Variants in FAM98A observed in about 807,000 individuals in gnomAD.
FAM98A encodes the protein tRNA splicing ligase complex subunit 3A.
In FAM98A, 25 loss-of-function variants were observed where a neutral mutation model predicts 62.9. The observed-to-expected ratio is 0.40, with a 90% CI of 0.29 to 0.56. FAM98A has a LOEUF of 0.56. Ranked by LOEUF, FAM98A falls within the 20% of genes least tolerant of loss-of-function variation. FAM98A has a pLI of 0.51. For synonymous variants in FAM98A, 252 were observed against 228.6 expected, an observed-to-expected ratio of 1.10 and a Z score of -0.92; for missense variants, 653 against 640.7, an observed-to-expected ratio of 1.02 and a Z score of -0.21.
chr2:33,585,397 G>C lies in FAM98A; in HGVS notation c.936C>G (p.Ile312Met). 2 of 1,614,090 alleles carry C rather than the reference G, an allele frequency of 1.2e-6. No individual in the cohort carries two copies. The highest frequency in any genetic ancestry group is 8.5e-7 in the Non-Finnish European group (1 of 1,180,018). Residue 312 changes from isoleucine to methionine, a missense_variant, in exon 8 of 8, where the codon ATC (isoleucine) becomes ATG (methionine). By Grantham distance (10) the Ile-to-Met change is conservative. Coordinates refer to ENST00000238823, the MANE Select transcript of FAM98A (RefSeq NM_015475.5). ...VPDRGGRPNEIEPPPPEMPPW... is the reference protein window; with the variant it reads ...VPDRGGRPNEMEPPPPEMPPW... The stretch of plus-strand genomic sequence containing the variant: ...GTGGCATCTCTGGGGGTGGAGGTTC[G>C]ATTTCATTGGGTCTACCACCTCTGT...
At position 33,584,693 on chromosome 2, in the gene FAM98A, A is replaced by T; in HGVS notation, c.*83T>A. The T allele has an allele frequency of 8.1e-7, 1 of 1,233,862 alleles. No homozygotes were observed. The highest frequency in any genetic ancestry group is 1.1e-6 in the Non-Finnish European group (1 of 875,628). 76.4% of individuals were successfully genotyped at this position (1,233,862 alleles called of 1,614,324 possible). A position where few individuals can be genotyped will look rare whatever the true frequency, so the allele number is the denominator to read the frequency against. On this transcript the variant is annotated 3_prime_UTR_variant, in exon 8 of 8. Transcript: ENST00000238823. Reference sequence around the variant, plus strand: ...TGCCTGCCACCTGTGGTCTCACATTAATTCAAAATAGGTGCTGAATTCAGG... The same window carrying T: ...TGCCTGCCACCTGTGGTCTCACATTTATTCAAAATAGGTGCTGAATTCAGG...
intron 2 of FAM98A, among the ~76,000 whole-genome samples, chr2:33,592,797 C>T (rs573600709): frequency 6.6e-6 from 1 of 152,240 alleles, no homozygotes; most frequent in South Asian, 2.1e-4. Flanking sequence ...TTCATAGCTG[C>T]TTAGGTTTGT....
chr2:33,590,311 T>C (rs970618487), intron 3 of FAM98A, among the ~76,000 whole-genome samples: 1 of 152,150 alleles, frequency 6.6e-6, no homozygotes, highest in African/African-American at 2.4e-5. Context: ...AAGGCTATTC[T>C]ATTTTTCCAA....
At position 33,596,146 on chromosome 2, in the gene FAM98A, C is replaced by A. The variant is rs1677806380; in HGVS notation, c.54-509G>T. On this transcript the variant is annotated intron_variant, in intron 1 of 7. Coordinates refer to ENST00000238823, the MANE Select transcript of FAM98A (RefSeq NM_015475.5). ...GCAGTGAAGGCACAAGCCACCAAAC[C>A]TGGCTTTTTTTTTATTTTTTATAAA... Among the ~76,000 whole-genome samples the A allele has an allele frequency of 5.9e-5, 9 of 152,154 alleles. 1 individual carries two copies. In the South Asian group the frequency reaches 1.9e-3, roughly 31 times the overall value.
chr2:33,593,358 C>G (rs540329416), intron 2 of FAM98A, among the ~76,000 whole-genome samples: 3 of 152,256 alleles, frequency 2.0e-5, no homozygotes, highest in Non-Finnish European at 2.9e-5. Flanking sequence ...GAGCCCAGAT[C>G]GCGCCACTGC....
Position 33,585,010 on chromosome 2 carries a change from G to C in FAM98A, c.1323C>G (p.Gly441=). 1 of 1,613,948 alleles carries C rather than the reference G, an allele frequency of 6.2e-7. No individual in the cohort carries two copies. The highest frequency in any genetic ancestry group is 1.3e-5 in the African/African-American group (1 of 74,964). Residue 441 remains glycine, a synonymous_variant, in exon 8 of 8, where the codon GGC becomes GGG. Coordinates refer to ENST00000238823, the MANE Select transcript of FAM98A (RefSeq NM_015475.5). Reference sequence around the variant, plus strand: ...CTTGGTATCTATTGTCCTGCTGGTAGCCACCACCCTGGTATCCACTTCCTG... The same window carrying C: ...CTTGGTATCTATTGTCCTGCTGGTACCCACCACCCTGGTATCCACTTCCTG... The part of the protein sequence containing the change: ...SYTGSGYQGG[G]YQQDNRYQDG...
At chr2:33,594,111 G>T (rs1211324217) in intron 2 of FAM98A, among the ~76,000 whole-genome samples, 2 of 152,154 alleles carry the variant, frequency 1.3e-5, no homozygotes, top group Non-Finnish European at 2.9e-5. Context: ...AATAAAACCT[G>T]CCTCATAGGG....
chr2:33,584,600 G>A lies in FAM98A; in HGVS notation c.*176C>T, dbSNP rs1474466819. On this transcript the variant is annotated 3_prime_UTR_variant, in exon 8 of 8. Transcript: ENST00000238823. ...GTGTTTCTCAAATAAACGGCATTAT[G>A]TAAGTCCAATAAAAAAATCTAACAG... is the stretch of plus-strand genomic sequence containing the variant. The A allele has an allele frequency of 1.5e-5, 9 of 609,600 alleles. No individual in the cohort carries two copies. The highest frequency in any genetic ancestry group is 2.6e-5 in the Non-Finnish European group (9 of 349,166). 37.8% of individuals were successfully genotyped at this position (609,600 alleles called of 1,614,324 possible). A position where few individuals can be genotyped will look rare whatever the true frequency, so the allele number is the denominator to read the frequency against.
At chr2:33,596,567 T>A (rs1318025823) in intron 1 of FAM98A, among the ~76,000 whole-genome samples, 1 of 152,194 alleles carries the variant, frequency 6.6e-6, no homozygotes, top group Non-Finnish European at 1.5e-5. Context: ...TAATGCTTAC[T>A]TAAGATGATA....
At chr2:33,588,128 A>G in intron 4 of FAM98A, 1 of 578,228 alleles carries the variant, frequency 1.7e-6, no homozygotes, top group South Asian at 1.8e-5. Context: ...AAAAAGAAAC[A>G]TGCTAACATG....
chr2:33,598,898 C>T (rs766816020), intron 1 of FAM98A, among the ~76,000 whole-genome samples: 7 of 152,018 alleles, frequency 4.6e-5, no homozygotes, highest in Non-Finnish European at 1.0e-4. Flanking sequence ...AAATCAGAGC[C>T]CAGACAATGA....
intron 6 of FAM98A, among the ~76,000 whole-genome samples, chr2:33,586,299 A>C (rs1037858794): frequency 1.3e-5 from 2 of 152,214 alleles, no homozygotes; most frequent in African/African-American, 4.8e-5. Context: ...TTTCAGAATA[A>C]CTCCATTTCT....
chr2:33,588,480 C>G lies in FAM98A; in HGVS notation c.377G>C (p.Cys126Ser). Reference protein sequence around the residue: ...ISELEAARMLCVNAPPKKAQE... With the variant: ...ISELEAARMLSVNAPPKKAQE... ...AGCTTTTTTTGGAGGAGCATTCACACAGAGCATTCTGGCAGCTTCTAGTTC... is the reference window on the plus strand; with the variant it reads ...AGCTTTTTTTGGAGGAGCATTCACAGAGAGCATTCTGGCAGCTTCTAGTTC... The change falls in exon 4 of 8, where the codon TGT becomes TCT. Residue 126 changes from cysteine (C) to serine (S), a missense_variant. Cys to Ser is a moderately radical substitution (Grantham distance 112). Coordinates refer to ENST00000238823, the MANE Select transcript of FAM98A (RefSeq NM_015475.5). The G allele has an allele frequency of 6.2e-7, 1 of 1,613,654 alleles. No homozygotes were observed. Among genetic ancestry groups the G allele is most frequent in the African/African-American group, 1.3e-5 (1 of 74,974 alleles).
intron 2 of FAM98A, among the ~76,000 whole-genome samples, chr2:33,594,798 A>G (rs1401521618): frequency 6.6e-6 from 1 of 152,008 alleles, no homozygotes; most frequent in East Asian, 1.9e-4. Flanking sequence ...ATAGCTCTCC[A>G]TAAGGGTGGG....
intron 2 of FAM98A, among the ~76,000 whole-genome samples, chr2:33,594,792 C>T (rs903941079): frequency 1.3e-5 from 2 of 151,888 alleles, no homozygotes; most frequent in Admixed American, 1.3e-4. Flanking sequence ...ATATGTATAG[C>T]TCTCCATAAG....
chr2:33,587,234 A>G lies in FAM98A; in HGVS notation c.603+6T>C. ...ACAAAGTTTACTCAAGATGATTACTACTCACCCAGTGGGCTGGTCCCATTG... is the reference window on the plus strand; with the variant it reads ...ACAAAGTTTACTCAAGATGATTACTGCTCACCCAGTGGGCTGGTCCCATTG... On this transcript the variant is annotated splice_donor_region_variant and intron_variant, in intron 5 of 7. Transcript: ENST00000238823. 6.4e-7 allele frequency: 1 copy of G among 1,562,228 alleles called. No homozygotes were observed. Among genetic ancestry groups the G allele is most frequent in the Non-Finnish European group, 8.8e-7 (1 of 1,133,040 alleles).
In FAM98A at chr2:33,595,596, G is replaced by A. The variant is rs370626790; in HGVS notation, c.95C>T (p.Ala32Val). 2 of 1,597,070 alleles carry A rather than the reference G, an allele frequency of 1.3e-6. No individual in the cohort carries two copies. The highest frequency in any genetic ancestry group is 1.8e-5 in the Admixed American group (1 of 55,412). ...PLLEDGALSQ[A>V]VSAGASSPEF... ...GGGGGAACTGGCTCCAGCAGAGACT[G>A]CCTGAGAGAGCGCTCCATCTTCCAA... Residue 32 changes from alanine to valine, a missense_variant, in exon 2 of 8, where the codon GCA (alanine) becomes GTA (valine). Coordinates refer to ENST00000238823, the MANE Select transcript of FAM98A (RefSeq NM_015475.5).
At chr2:33,599,095 G>T in intron 1 of FAM98A, 74 bp downstream of exon 1, 1 of 1,281,796 alleles carries the variant, frequency 7.8e-7, no homozygotes, top group Non-Finnish European at 1.1e-6. Context: ...AGGTGTCTCA[G>T]ACTGGGGCGC....
In FAM98A at chr2:33,597,999, TGAAA is replaced by T. The variant is rs1376095151; in HGVS notation, c.53+1166_53+1169del. On this transcript the variant is annotated intron_variant, in intron 1 of 7. Transcript: ENST00000238823. Reference sequence around the variant, plus strand: ...TGAATGACTTTAACATATGCCCTAATGAAAGAAAGAAGCCCCCTAAAGTCTGGAA... The same window carrying T: ...TGAATGACTTTAACATATGCCCTAATGAAAGAAGCCCCCTAAAGTCTGGAA... Among the ~76,000 whole-genome samples the T allele has an allele frequency of 8.5e-5, 13 of 152,190 alleles. 1 individual carries two copies. The highest frequency in any genetic ancestry group is 7.9e-4 in the Admixed American group (12 of 15,282).
Sources: allele counts gnomAD v4.1 joint callset (sites outside exome capture counted in the v4.1 genomes callset), GRCh38; gene constraint gnomAD v4.1.1; transcripts MANE v1.5; gene names NCBI Gene and HGNC (gene_info 2026-07-23, HGNC 2026-07-21).